STXBP4: variants seen among roughly 807,000 people sequenced by gnomAD.
The protein encoded by STXBP4 is syntaxin binding protein 4.
STXBP4 carries 55 observed loss-of-function variants against 76.1 expected under a neutral mutation model. The ratio of observed to expected loss-of-function variants is 0.72; its 90% confidence interval spans 0.58 to 0.91. The LOEUF is 0.91. Ranked by LOEUF, STXBP4 falls within the 40% of genes least tolerant of loss-of-function variation. The pLI, the probability that STXBP4 is intolerant of heterozygous loss-of-function variation, is 0.00. For missense variants in STXBP4, 618 were observed against 636.9 expected, an observed-to-expected ratio of 0.97 and a Z score of 0.32; for synonymous variants, 201 against 220.2, an observed-to-expected ratio of 0.91 and a Z score of 0.77.
chr17:55,186,904 G>A, the STXBP4 span, among the ~76,000 whole-genome samples: 1 of 152,026 alleles, frequency 6.6e-6, no homozygotes, highest in Non-Finnish European at 1.5e-5. Flanking sequence ...GAGACAGCAA[G>A]CAAAACAAAG....
At chr17:55,206,857 G>GACAAAA in the STXBP4 span, among the ~76,000 whole-genome samples, 1 of 103,164 alleles carries the variant, frequency 9.7e-6, no homozygotes, top group Non-Finnish European at 2.0e-5. Context: ...CTCCGTCTCA[G>GACAAAA]AAAAAAAAAA....
In STXBP4 at chr17:55,007,665, G is replaced by A. The variant is rs2078034695; in HGVS notation, c.666+68G>A. ...CAGGAAAGAAGTATTCTCCTTCTTT[G>A]AGAGGATAAAGTACTGGAGTCATTA... is the stretch of plus-strand genomic sequence containing the variant. On this transcript the variant is annotated intron_variant, in intron 8 of 17. Transcript: ENST00000376352. 17 of 1,262,714 alleles carry A rather than the reference G, an allele frequency of 1.3e-5. 2 individuals carry two copies. In the South Asian group the frequency reaches 2.1e-4, roughly 15 times the overall value. 78.2% of individuals were successfully genotyped at this position (1,262,714 alleles called of 1,614,324 possible). A position where few individuals can be genotyped will look rare whatever the true frequency, so the allele number is the denominator to read the frequency against.
intron 12 of STXBP4, among the ~76,000 whole-genome samples, chr17:55,060,681 G>A (rs2078984804): frequency 6.6e-6 from 1 of 152,114 alleles, no homozygotes; most frequent in Non-Finnish European, 1.5e-5. Context: ...TAAAACTCAA[G>A]TATTTTTATG....
rs1259723597 is a variant in STXBP4 at position 55,073,903 on chromosome 17, A to T, written c.1188+827A>T. On this transcript the variant is annotated intron_variant, in intron 13 of 17. Coordinates refer to ENST00000376352, the MANE Select transcript of STXBP4 (RefSeq NM_178509.6). ...CTCGGCCTTCCAAAGTGCTGGGATT[A>T]CAGGCATGAGCCACCACGCCTGGAC... 2.6e-5 allele frequency among the ~76,000 whole-genome samples: 4 copies of T among 152,156 alleles called. No homozygotes were observed. In the East Asian group the frequency reaches 7.7e-4, roughly 29 times the overall value.
chr17:55,063,236 A>G (rs557233125), intron 12 of STXBP4, among the ~76,000 whole-genome samples: 2 of 152,390 alleles, frequency 1.3e-5, no homozygotes, highest in East Asian at 3.9e-4. Context: ...TTTCAAAATT[A>G]TCATTTCCAA....
chr17:55,043,668 C>A (rs931213509), intron 11 of STXBP4: 1 of 1,548,532 alleles, frequency 6.5e-7, no homozygotes, highest in African/African-American at 1.4e-5. Flanking sequence ...AATTTTGGAT[C>A]CTGTGAGTTC....
the STXBP4 span, among the ~76,000 whole-genome samples, chr17:55,205,499 A>C: frequency 6.6e-6 from 1 of 151,912 alleles, no homozygotes; most frequent in Non-Finnish European, 1.5e-5. Flanking sequence ...TAAAAGGTAA[A>C]CATATAAACA....
At chr17:55,001,385 T>C (rs1287125577) in intron 7 of STXBP4, among the ~76,000 whole-genome samples, 1 of 152,206 alleles carries the variant, frequency 6.6e-6, no homozygotes, top group Non-Finnish European at 1.5e-5. Context: ...TAAAATGATT[T>C]ACTGACTTTT....
chr17:55,113,871 G>C (rs2079751393), intron 16 of STXBP4, among the ~76,000 whole-genome samples: 1 of 151,976 alleles, frequency 6.6e-6, no homozygotes, highest in African/African-American at 2.4e-5. Flanking sequence ...GCATATAGTG[G>C]CTAACAGCAT....
At chr17:55,125,479 CAAAAAA>C (rs10632680) in intron 16 of STXBP4, among the ~76,000 whole-genome samples, 19 of 91,766 alleles carry the variant, frequency 2.1e-4, no homozygotes, top group African/African-American at 5.0e-4. Flanking sequence ...GGACAAAATA[CAAAAAA>C]AAAAAAAAAA....
chr17:54,974,687 G>T (rs1472568338), intron 1 of STXBP4, among the ~76,000 whole-genome samples: 2 of 152,330 alleles, frequency 1.3e-5, no homozygotes, highest in East Asian at 3.9e-4. Context: ...TCTTGGCTTG[G>T]CCTAGAAAAG....
intron 8 of STXBP4, among the ~76,000 whole-genome samples, chr17:55,010,263 TAC>T (rs903474019): frequency 4.2e-5 from 6 of 141,862 alleles, no homozygotes; most frequent in Non-Finnish European, 9.4e-5. Context: ...TATATATATA[TAC>T]ACACATACAA....
intron 15 of STXBP4, 28 bp from the exon 16 acceptor site, chr17:55,081,022 G>A (rs1209767410): frequency 4.9e-6 from 7 of 1,432,256 alleles, no homozygotes; most frequent in Non-Finnish European, 6.4e-6. Flanking sequence ...TGTGTAGTAA[G>A]TTCAACTTTA....
chr17:55,046,304 A>G (rs1315498377), intron 11 of STXBP4, among the ~76,000 whole-genome samples: 1 of 151,936 alleles, frequency 6.6e-6, no homozygotes, highest in Non-Finnish European at 1.5e-5. Flanking sequence ...ATATACCTTC[A>G]TTTCACCTCT....
chr17:55,146,095 T>C (rs1318618866), intron 17 of STXBP4, among the ~76,000 whole-genome samples: 1 of 152,204 alleles, frequency 6.6e-6, no homozygotes, highest in Non-Finnish European at 1.5e-5. Flanking sequence ...ATATGTTATA[T>C]AATATAACAA....
chr17:55,119,558 A>C (rs1366724582), intron 16 of STXBP4, among the ~76,000 whole-genome samples: 1 of 152,144 alleles, frequency 6.6e-6, no homozygotes, highest in East Asian at 1.9e-4. Context: ...CTAGAACTAG[A>C]AGAACAATAC....
the STXBP4 span, among the ~76,000 whole-genome samples, chr17:55,197,872 GC>G: frequency 6.6e-6 from 1 of 152,224 alleles, no homozygotes; most frequent in East Asian, 1.9e-4. Flanking sequence ...TCTTCCCTCA[GC>G]ATGGTGTTAC....
At chr17:55,055,511 C>G (rs189561149) in intron 12 of STXBP4, among the ~76,000 whole-genome samples, 2 of 152,268 alleles carry the variant, frequency 1.3e-5, no homozygotes. Flanking sequence ...TTTACCCTGC[C>G]TCACTCCCAT....
At chr17:55,134,334 A>G (rs1390863404) in intron 16 of STXBP4, among the ~76,000 whole-genome samples, 1 of 152,096 alleles carries the variant, frequency 6.6e-6, no homozygotes, top group East Asian at 1.9e-4. Context: ...TTTATATGAA[A>G]TGTATTATGA....
Sources: allele counts gnomAD v4.1 joint callset (sites outside exome capture counted in the v4.1 genomes callset), GRCh38; gene constraint gnomAD v4.1.1; transcripts MANE v1.5; gene names NCBI Gene and HGNC (gene_info 2026-07-23, HGNC 2026-07-21).